POU2F3: variants seen among roughly 807,000 people sequenced by gnomAD.
POU2F3 encodes the protein POU domain, class 2, transcription factor 3.
In POU2F3, 23 loss-of-function variants were observed where a neutral mutation model predicts 59.2. The ratio of observed to expected loss-of-function variants is 0.39; its 90% CI spans 0.28 to 0.55. The LOEUF is 0.55. Among genes scored for constraint, POU2F3 ranks in the 20% least tolerant of loss-of-function variants. POU2F3 has a pLI of 0.66. For missense variants in POU2F3, 473 were observed against 544.5 expected, an observed-to-expected ratio of 0.87 and a Z score of 1.31; for synonymous variants, 190 against 214.6, an observed-to-expected ratio of 0.89 and a Z score of 1.00.
intron 3 of POU2F3, among the ~76,000 whole-genome samples, chr11:120,293,661 G>A (rs566270652): frequency 6.6e-6 from 1 of 152,282 alleles, no homozygotes; most frequent in South Asian, 2.1e-4. Flanking sequence ...TTCATCACCA[G>A]TGATATATTC....
intron 2 of POU2F3, 55 bp downstream of exon 2, chr11:120,246,572 G>A (rs1938886602): frequency 6.3e-7 from 1 of 1,575,130 alleles, no homozygotes; most frequent in Non-Finnish European, 8.7e-7. Flanking sequence ...GAGTTGTTGG[G>A]AATTGTTGAA....
At chr11:120,268,897 A>C (rs1030008638) in intron 2 of POU2F3, among the ~76,000 whole-genome samples, 1 of 152,148 alleles carries the variant, frequency 6.6e-6, no homozygotes, top group African/African-American at 2.4e-5. Context: ...CGGGCATAGA[A>C]GCATGCGGTG....
intron 1 of POU2F3, among the ~76,000 whole-genome samples, 193 bp from the exon 2 acceptor site, chr11:120,246,256 G>C (rs543325203): frequency 2.0e-5 from 3 of 152,110 alleles, no homozygotes; most frequent in Admixed American, 6.6e-5. Flanking sequence ...GAGAGGAGGC[G>C]AGCATGGGAG....
At chr11:120,277,312 T>A (rs913710605) in intron 3 of POU2F3, among the ~76,000 whole-genome samples, 5 of 150,986 alleles carry the variant, frequency 3.3e-5, no homozygotes, top group African/African-American at 4.9e-5. Context: ...AATAAAAAAA[T>A]TTTAAAAAGC....
intron 4 of POU2F3, 61 bp from the exon 5 acceptor site, chr11:120,299,562 AG>A (rs1941285029): frequency 6.8e-7 from 1 of 1,471,128 alleles, no homozygotes; most frequent in Non-Finnish European, 9.4e-7. Flanking sequence ...AGTGGCAGGC[AG>A]ATGGGGCTGA....
chr11:120,241,967 C>T (rs1938682930), intron 1 of POU2F3, among the ~76,000 whole-genome samples: 1 of 152,172 alleles, frequency 6.6e-6, no homozygotes, highest in Non-Finnish European at 1.5e-5. Flanking sequence ...GAAGCCCAGA[C>T]ACCTTCTCCA....
chr11:120,243,952 G>C (rs1195409841), intron 1 of POU2F3, among the ~76,000 whole-genome samples: 1 of 152,196 alleles, frequency 6.6e-6, no homozygotes, highest in Non-Finnish European at 1.5e-5. Context: ...TAAATGTCAG[G>C]CTAACTTGAA....
chr11:120,246,438 T>C lies in POU2F3; in HGVS notation c.29-11T>C. ...GACCTGTTATTAAAATCAGTTGTGT[T>C]TTCCCTGCAGATATCAAGATGAGTG... On this transcript the variant is annotated splice_polypyrimidine_tract_variant and intron_variant, in intron 1 of 12. Coordinates refer to ENST00000543440, the MANE Select transcript of POU2F3 (RefSeq NM_014352.4). The C allele has an allele frequency of 6.2e-7, 1 of 1,613,956 alleles. No individual in the cohort carries two copies. The highest frequency in any genetic ancestry group is 1.1e-5 in the South Asian group (1 of 91,056).
Position 120,302,385 on chromosome 11 carries a change from T to C in POU2F3, c.444+17T>C. 1 of 1,565,812 alleles carries C rather than the reference T, an allele frequency of 6.4e-7. No individual in the cohort carries two copies. The highest frequency in any genetic ancestry group is 8.8e-7 in the Non-Finnish European group (1 of 1,136,320). On this transcript the variant is annotated intron_variant, in intron 6 of 12. Transcript: ENST00000543440. The stretch of plus-strand genomic sequence containing the variant: ...GCATCCCAGGTAAACAACCCCATTC[T>C]TCCTGTTTCCTCTAGGAATGTCTCA...
At chr11:120,301,204 C>T (rs1941337763) in intron 5 of POU2F3, 1 of 401,142 alleles carries the variant, frequency 2.5e-6, no homozygotes. Context: ...GTTACCTAAC[C>T]TCTCTGAGCT....
intron 8 of POU2F3, among the ~76,000 whole-genome samples, chr11:120,306,564 C>T (rs750618327): frequency 3.3e-5 from 5 of 152,176 alleles, no homozygotes; most frequent in Non-Finnish European, 5.9e-5. Flanking sequence ...CCAAGAATCT[C>T]TCCAGACATT....
chr11:120,263,464 C>A (rs60641884), intron 2 of POU2F3, among the ~76,000 whole-genome samples: 2 of 152,164 alleles, frequency 1.3e-5, no homozygotes, highest in African/African-American at 4.8e-5. Flanking sequence ...ATTCTGTGGT[C>A]TACTTTTATG....
intron 3 of POU2F3, among the ~76,000 whole-genome samples, chr11:120,271,189 A>G (rs1363535877): frequency 6.6e-6 from 1 of 152,236 alleles, no homozygotes; most frequent in African/African-American, 2.4e-5. Flanking sequence ...GAGAACTAAA[A>G]CAGAGATAGG....
At chr11:120,243,447 C>A (rs1203928630) in intron 1 of POU2F3, among the ~76,000 whole-genome samples, 1 of 152,200 alleles carries the variant, frequency 6.6e-6, no homozygotes, top group African/African-American at 2.4e-5. Context: ...CCAACGCTAA[C>A]TTCAGGGTGT....
At chr11:120,288,289 A>G (rs1940886794) in intron 3 of POU2F3, among the ~76,000 whole-genome samples, 1 of 152,194 alleles carries the variant, frequency 6.6e-6, no homozygotes, top group African/African-American at 2.4e-5. Flanking sequence ...TCTTTCAGGT[A>G]TGCTTTAAGA....
chr11:120,280,336 CTG>C (rs1314681488), intron 3 of POU2F3, among the ~76,000 whole-genome samples: 1 of 152,160 alleles, frequency 6.6e-6, no homozygotes, highest in Non-Finnish European at 1.5e-5. Flanking sequence ...GATGAAGAAA[CTG>C]AGGCTAGGAG....
chr11:120,240,643 G>A (rs987353834), intron 1 of POU2F3, among the ~76,000 whole-genome samples: 1 of 152,156 alleles, frequency 6.6e-6, no homozygotes, highest in Non-Finnish European at 1.5e-5. Context: ...AGTGGCAGTT[G>A]TATGGGACGT....
intron 3 of POU2F3, among the ~76,000 whole-genome samples, chr11:120,271,681 T>G (rs1276300753): frequency 6.6e-6 from 1 of 152,186 alleles, no homozygotes; most frequent in African/African-American, 2.4e-5. Flanking sequence ...GAGAGAAGGA[T>G]GAGGGCAGCC....
intron 2 of POU2F3, among the ~76,000 whole-genome samples, chr11:120,264,517 G>T (rs1939745586): frequency 6.6e-6 from 1 of 152,166 alleles, no homozygotes; most frequent in African/African-American, 2.4e-5. Context: ...GGAGAGAAGG[G>T]CCTTTCAGAG....
Sources: allele counts gnomAD v4.1 joint callset (sites outside exome capture counted in the v4.1 genomes callset), GRCh38; gene constraint gnomAD v4.1.1; transcripts MANE v1.5; gene names NCBI Gene and HGNC (gene_info 2026-07-23, HGNC 2026-07-21).